The following CAMKMT variants were observed in gnomAD, a reference collection of about 807,000 sequenced individuals.
CAMKMT encodes the protein CaM KMT.
A neutral mutation model predicts 48.0 loss-of-function variants in CAMKMT; 53 were observed. The ratio of observed to expected loss-of-function variants is 1.10; its 90% confidence interval spans 0.89 to 1.39. The LOEUF (loss-of-function observed/expected upper bound fraction) is 1.39, where lower values mean the gene tolerates loss of function less well. Ranked by LOEUF, CAMKMT falls within the 40% of genes most tolerant of loss-of-function variation. The pLI is 0.00. For missense variants in CAMKMT, 428 were observed against 402.7 expected (o/e 1.06, Z -0.54); for synonymous variants, 165 against 152.3 (o/e 1.08, Z -0.61).
rs963528869 is a variant in CAMKMT, at chr2:44,465,562, C to T, written c.376+75257C>T. Among the ~76,000 whole-genome samples the T allele has an allele frequency of 5.8e-5, 5 of 86,008 alleles. No individual in the cohort carries two copies. The South Asian group carries it at 2.5e-3, about 43-fold the overall frequency. The allele number at this position is 86,008 out of a possible 152,430, so 56.4% of individuals were successfully genotyped here. A position where few individuals can be genotyped will look rare whatever the true frequency, so the allele number is the denominator to read the frequency against. On this transcript the variant is annotated intron_variant, in intron 3 of 10. Transcript: ENST00000378494. The stretch of plus-strand genomic sequence containing the variant: ...AGTGAGCCAAGTTTGTGCCACTGTA[C>T]TCTGTCAAAAAAAAAAAAAAAATCA...
intron 3 of CAMKMT, among the ~76,000 whole-genome samples, chr2:44,530,065 T>C (rs1053806107): frequency 3.9e-5 from 6 of 152,198 alleles, no homozygotes; most frequent in African/African-American, 1.4e-4. Flanking sequence ...GATTTCAGCA[T>C]GGAAGACTGT....
chr2:44,716,681 A>G (rs1341243000), intron 7 of CAMKMT, among the ~76,000 whole-genome samples: 1 of 152,138 alleles, frequency 6.6e-6, no homozygotes, highest in African/African-American at 2.4e-5. Context: ...CCTTTCCTTC[A>G]CAGTGCAGAC....
At chr2:44,654,136 A>G (rs1674235587) in intron 3 of CAMKMT, among the ~76,000 whole-genome samples, 1 of 152,212 alleles carries the variant, frequency 6.6e-6, no homozygotes, top group Admixed American at 6.5e-5. Flanking sequence ...TGAACATTTT[A>G]TGATCTTAGC....
chr2:44,599,955 A>G (rs1251133534), intron 3 of CAMKMT, among the ~76,000 whole-genome samples: 1 of 152,110 alleles, frequency 6.6e-6, no homozygotes, highest in Non-Finnish European at 1.5e-5. Context: ...ACTTTGAATA[A>G]CTAATGATTT....
chr2:44,766,863 A>G (rs899549710), intron 10 of CAMKMT, among the ~76,000 whole-genome samples: 4 of 152,262 alleles, frequency 2.6e-5, no homozygotes, highest in Admixed American at 6.5e-5. Flanking sequence ...AATAACATGC[A>G]TTTATATTTT....
At chr2:44,485,232 A>C (rs553196057) in intron 3 of CAMKMT, among the ~76,000 whole-genome samples, 1 of 152,240 alleles carries the variant, frequency 6.6e-6, no homozygotes, top group African/African-American at 2.4e-5. Context: ...TGTGTGCACC[A>C]AAAGACGTAT....
intron 3 of CAMKMT, among the ~76,000 whole-genome samples, chr2:44,482,575 ATAT>A (rs1572621121): frequency 6.6e-6 from 1 of 152,276 alleles, no homozygotes; most frequent in African/African-American, 2.4e-5. Flanking sequence ...TTTAACGAAA[ATAT>A]TATTATTAAA....
chr2:44,501,166 A>C (rs1669987786), intron 3 of CAMKMT, among the ~76,000 whole-genome samples: 1 of 151,868 alleles, frequency 6.6e-6, no homozygotes, highest in Non-Finnish European at 1.5e-5. Context: ...CCTATGACAA[A>C]TCTTAATTTT....
intron 3 of CAMKMT, among the ~76,000 whole-genome samples, chr2:44,455,694 C>T (rs1667526233): frequency 6.6e-6 from 1 of 152,088 alleles, no homozygotes; most frequent in South Asian, 2.1e-4. Context: ...GCCATTGTTT[C>T]TTTATTTGCA....
intron 3 of CAMKMT, among the ~76,000 whole-genome samples, chr2:44,607,187 C>T (rs1671334987): frequency 6.6e-6 from 1 of 152,124 alleles, no homozygotes; most frequent in South Asian, 2.1e-4. Context: ...TTTTTTATTC[C>T]CATTTACCTC....
At chr2:44,523,770 ATTTTTTT>A (rs70937920) in intron 3 of CAMKMT, among the ~76,000 whole-genome samples, 3 of 89,876 alleles carry the variant, frequency 3.3e-5, no homozygotes, top group Non-Finnish European at 4.3e-5. Context: ...GAGAGCGAGC[ATTTTTTT>A]TTTTTTTTTT....
chr2:44,554,461 C>T (rs2103665748), intron 3 of CAMKMT, among the ~76,000 whole-genome samples: 2 of 152,272 alleles, frequency 1.3e-5, no homozygotes, highest in South Asian at 4.2e-4. Context: ...ATTCGCCGGG[C>T]ACAGTGGCTC....
intron 3 of CAMKMT, among the ~76,000 whole-genome samples, chr2:44,415,239 T>C (rs1683475980): frequency 6.6e-6 from 1 of 152,246 alleles, no homozygotes; most frequent in South Asian, 2.1e-4. Context: ...TATGTACAAC[T>C]GAGTTACTAA....
chr2:44,671,115 C>T (rs940879927), intron 3 of CAMKMT, among the ~76,000 whole-genome samples: 1 of 152,180 alleles, frequency 6.6e-6, no homozygotes, highest in Non-Finnish European at 1.5e-5. Context: ...ACTTTGTAGT[C>T]TCCTTTAGGA....
At chr2:44,601,687 T>G (rs957827459) in intron 3 of CAMKMT, among the ~76,000 whole-genome samples, 1 of 152,002 alleles carries the variant, frequency 6.6e-6, no homozygotes, top group Non-Finnish European at 1.5e-5. Context: ...TTCCATTCAT[T>G]ATTTTATTTT....
At chr2:44,575,465 T>C (rs1001547488) in intron 3 of CAMKMT, among the ~76,000 whole-genome samples, 1 of 152,252 alleles carries the variant, frequency 6.6e-6, no homozygotes, top group Non-Finnish European at 1.5e-5. Context: ...GTTGTTATTC[T>C]TATAAATATT....
chr2:44,439,933 A>G (rs368774139), intron 3 of CAMKMT, among the ~76,000 whole-genome samples: 1 of 152,186 alleles, frequency 6.6e-6, no homozygotes, highest in Non-Finnish European at 1.5e-5. Context: ...AGAGTTACTG[A>G]ATGAAACCCC....
At chr2:44,753,264 A>G (rs1680224704) in intron 8 of CAMKMT, among the ~76,000 whole-genome samples, 1 of 150,548 alleles carries the variant, frequency 6.6e-6, no homozygotes, top group African/African-American at 2.4e-5. Context: ...AAAAAAAAAA[A>G]AAAAAAAAAA....
chr2:44,549,693 C>G (rs1483909080), intron 3 of CAMKMT: 1 of 549,166 alleles, frequency 1.8e-6, no homozygotes, highest in East Asian at 3.0e-5. Flanking sequence ...TATTTATTGG[C>G]TTAAGGATTA....
Sources: allele counts gnomAD v4.1 joint callset (sites outside exome capture counted in the v4.1 genomes callset), GRCh38; gene constraint gnomAD v4.1.1; transcripts MANE v1.5; gene names NCBI Gene and HGNC (gene_info 2026-07-23, HGNC 2026-07-21).